Variants in ACSM3 observed in about 807,000 individuals in gnomAD.
ACSM3 encodes acyl-coenzyme A synthetase ACSM3, mitochondrial.
Under a neutral mutation model 74.1 loss-of-function variants are expected in ACSM3, and 61 were observed. The observed-to-expected ratio is 0.82, with a 90% CI of 0.67 to 1.02. ACSM3 has a LOEUF of 1.02. Among genes scored for constraint, ACSM3 ranks in the 50% least tolerant of loss-of-function variants. The pLI is 0.00. For missense variants in ACSM3, 660 were observed against 697.0 expected (o/e 0.95, Z 0.60); for synonymous variants, 213 against 241.5 (o/e 0.88, Z 1.09).
At chr16:20,676,876 A>T (rs545015221) in intron 1 of ACSM3, among the ~76,000 whole-genome samples, 1 of 152,284 alleles carries the variant, frequency 6.6e-6, no homozygotes, top group South Asian at 2.1e-4. Flanking sequence ...TATAAAAAAA[A>T]ACCCTCCAGC....
intron 1 of ACSM3, chr16:20,722,002 C>G (rs912639168): frequency 6.6e-6 from 1 of 152,088 alleles, no homozygotes; most frequent in Non-Finnish European, 1.5e-5. Flanking sequence ...GATCAGGTAA[C>G]AAATAGTGCT....
intron 1 of ACSM3, chr16:20,749,361 GT>G (rs1256879639): frequency 6.6e-6 from 1 of 152,204 alleles, no homozygotes; most frequent in Non-Finnish European, 1.5e-5. Flanking sequence ...CTCCAGGTTT[GT>G]GAAAAGGTAA....
chr16:20,781,711 C>T lies in ACSM3; in HGVS notation c.943C>T (p.Leu315Phe), dbSNP rs1486024410. 1.2e-6 allele frequency: 2 copies of T among 1,611,770 alleles called. No individual in the cohort carries two copies. Among genetic ancestry groups the T allele is most frequent in the Non-Finnish European group, 1.7e-6 (2 of 1,177,918 alleles). The change falls in exon 7 of 14, where the codon CTC (leucine) becomes TTC (phenylalanine). Residue 315 changes from leucine to phenylalanine, a missense_variant. Transcript: ENST00000289416. ...RFEPTSILQT[L>F]SKYPITVFCS... ...GTTTGCTTTTTCTAAATTGCAGACA[C>T]TCTCCAAGTACCCCATCACAGTCTT...
chr16:20,774,861 C>G (rs1383908138), intron 2 of ACSM3, among the ~76,000 whole-genome samples: 1 of 152,156 alleles, frequency 6.6e-6, no homozygotes, highest in Non-Finnish European at 1.5e-5. Context: ...GTAGTAGTGG[C>G]AGCCTGAATG....
chr16:20,740,823 G>A (rs983889555), intron 1 of ACSM3, among the ~76,000 whole-genome samples: 10 of 152,198 alleles, frequency 6.6e-5, no homozygotes, highest in African/African-American at 2.4e-4. Context: ...TTTAAGTGCA[G>A]TAACTAGCAT....
Position 20,777,487 on chromosome 16 carries a change from A to G in ACSM3, c.545A>G (p.Asp182Gly). The change falls in exon 4 of 14, where the codon GAC becomes GGC. Residue 182 changes from aspartate to glycine, a missense_variant. Asp to Gly is a moderately conservative substitution (Grantham distance 94, BLOSUM62 -1). Transcript: ENST00000289416. ...AATGATGTTTTAGCCCCAGCAGTAGACGCTGTTGCATCCAAATGTGAAAAT... is the reference window on the plus strand; with the variant it reads ...AATGATGTTTTAGCCCCAGCAGTAGGCGCTGTTGCATCCAAATGTGAAAAT... ...ITNDVLAPAVDAVASKCENLH... is the reference protein window; with the variant it reads ...ITNDVLAPAVGAVASKCENLH... 1 of 1,614,118 alleles carries G rather than the reference A, an allele frequency of 6.2e-7. No individual in the cohort carries two copies. Among genetic ancestry groups the G allele is most frequent in the Non-Finnish European group, 8.5e-7 (1 of 1,180,002 alleles).
At chr16:20,717,956 G>GGAAGAGGAAGAGGGAGAAGAAGAA (rs1190590436) in intron 1 of ACSM3, among the ~76,000 whole-genome samples, 1 of 74,418 alleles carries the variant, frequency 1.3e-5, no homozygotes, top group Non-Finnish European at 2.8e-5. Flanking sequence ...AAGAGGAAGA[G>GGAAGAGGAAGAGGGAGAAGAAGAA]GAAGAAGAAG....
chr16:20,726,100 T>G (rs909197379), intron 1 of ACSM3, among the ~76,000 whole-genome samples: 2 of 152,138 alleles, frequency 1.3e-5, no homozygotes, highest in African/African-American at 4.8e-5. Context: ...CAGAGCTCTA[T>G]AGTCCCCGAA....
chr16:20,796,467 C>T lies in ACSM3; in HGVS notation c.1652C>T (p.Ala551Val). The T allele has an allele frequency of 6.2e-7, 1 of 1,613,436 alleles. No individual in the cohort carries two copies. Residue 551 changes from alanine to valine, a missense_variant, in exon 13 of 14, where the codon GCA (alanine) becomes GTA (valine). Coordinates refer to ENST00000289416, the MANE Select transcript of ACSM3 (RefSeq NM_005622.4). ...CAGGAGCATGTTAAAAAAACTACAG[C>T]ACCTTACAAATATCCCAGAAAGGTA... ...EIQEHVKKTT[A>V]PYKYPRKVEF...
In ACSM3 at chr16:20,691,118, G is replaced by A. The variant is rs768403860; in HGVS notation, c.-190+16296G>A. 2.5e-6 allele frequency: 4 copies of A among 1,613,576 alleles called. No individual in the cohort carries two copies. In the South Asian group the frequency reaches 4.4e-5, roughly 18 times the overall value. On this transcript the variant is annotated intron_variant, in intron 1 of 3. Transcript: ENST00000561584. ...TAAAGACCGGCAGCGCAGCTGTGAA[G>A]GGGCAGGGTGGATGTTGTGGAAGGA...
At chr16:20,689,401 A>G (rs372993013) in intron 1 of ACSM3, among the ~76,000 whole-genome samples, 1 of 152,140 alleles carries the variant, frequency 6.6e-6, no homozygotes, top group South Asian at 2.1e-4. Context: ...AGAGACAGAA[A>G]AGCTATAAGA....
intron 1 of ACSM3, among the ~76,000 whole-genome samples, chr16:20,706,266 T>C (rs1238055014): frequency 1.3e-5 from 2 of 151,928 alleles, no homozygotes; most frequent in Non-Finnish European, 2.9e-5. Context: ...TACTTAGGCA[T>C]GTCATAATCA....
intron 2 of ACSM3, among the ~76,000 whole-genome samples, chr16:20,753,468 A>C (rs886868657): frequency 6.6e-6 from 1 of 151,804 alleles, no homozygotes; most frequent in African/African-American, 2.4e-5. Flanking sequence ...TCTCCAAAAA[A>C]AAAAAAAAAA....
chr16:20,759,260 T>C (rs1284477003), upstream of ACSM3, among the ~76,000 whole-genome samples: 1 of 152,148 alleles, frequency 6.6e-6, no homozygotes, highest in Non-Finnish European at 1.5e-5. Flanking sequence ...ATGAAGCCTC[T>C]AAGAAACCCA....
chr16:20,712,164 T>C (rs763931302), intron 1 of ACSM3, among the ~76,000 whole-genome samples: 9 of 152,176 alleles, frequency 5.9e-5, no homozygotes, highest in Non-Finnish European at 7.3e-5. Flanking sequence ...TGGCCCTGTT[T>C]TTGTAAATAA....
rs1401627071 is a variant in ACSM3 at position 20,797,025 on chromosome 16, T to G, written c.*53T>G. 7 of 1,588,128 alleles carry G rather than the reference T, an allele frequency of 4.4e-6. No homozygotes were observed. In the East Asian group the frequency reaches 1.6e-4, roughly 36 times the overall value. ...AAAACAAACATAGTATCTGTCAATC[T>G]CTAGAAACCACAAGATGATGGAGAG... On this transcript the variant is annotated 3_prime_UTR_variant, in exon 14 of 14. Transcript: ENST00000289416.
chr16:20,714,983 T>C (rs199513250), intron 1 of ACSM3, among the ~76,000 whole-genome samples: 1 of 141,106 alleles, frequency 7.1e-6, no homozygotes, highest in East Asian at 2.0e-4. Flanking sequence ...GACAGACAGA[T>C]GGATAGACGA....
intron 1 of ACSM3, chr16:20,736,997 C>T (rs776969348): frequency 1.2e-6 from 2 of 1,614,148 alleles, no homozygotes; most frequent in Non-Finnish European, 1.7e-6. Context: ...TCTGCCCCAG[C>T]TCCTCAGTAT....
intron 1 of ACSM3, among the ~76,000 whole-genome samples, chr16:20,686,914 T>C (rs1290236052): frequency 6.6e-6 from 1 of 151,770 alleles, no homozygotes; most frequent in Non-Finnish European, 1.5e-5. Flanking sequence ...TAAATACGTA[T>C]GATTAAAAAT....
Sources: gnomAD v4.1 joint callset for allele counts (sites outside exome capture counted in the v4.1 genomes callset) on GRCh38, gnomAD v4.1.1 for gene constraint, MANE v1.5 for transcripts, NCBI Gene and HGNC (gene_info 2026-07-23, HGNC 2026-07-21) for gene names.